The following GSE1 variants were observed in gnomAD, a reference collection of about 807,000 sequenced individuals.
GSE1 encodes the protein Gse1 coiled-coil protein, also known as genetic suppressor element 1.
GSE1 carries 32 observed loss-of-function variants against 112.6 expected under a neutral mutation model. The observed-to-expected ratio is 0.28, with a 90% CI of 0.21 to 0.38. The LOEUF is 0.38. GSE1 is among the 10% of genes least tolerant of loss of function. The pLI, the probability that GSE1 is intolerant of heterozygous loss-of-function variation, is 1.00. For synonymous variants in GSE1, 1,115 were observed against 735.6 expected (o/e 1.52, Z -8.35); for missense variants, 2,348 against 1,699.2 (o/e 1.38, Z -6.71).
chr16:85,494,125 C>G (rs1399995558), intron 2 of GSE1, among the ~76,000 whole-genome samples: 1 of 152,228 alleles, frequency 6.6e-6, no homozygotes, highest in Non-Finnish European at 1.5e-5. Context: ...AAGAACTTAC[C>G]CCGAACAGAG....
chr16:85,524,254 G>A (rs182254268), intron 2 of GSE1, among the ~76,000 whole-genome samples: 14 of 152,266 alleles, frequency 9.2e-5, no homozygotes, highest in Admixed American at 3.3e-4. Context: ...GCGGGGTGGC[G>A]GGGATGGTAA....
chr16:85,471,975 C>T (rs551848409), intron 2 of GSE1, among the ~76,000 whole-genome samples: 1 of 152,332 alleles, frequency 6.6e-6, no homozygotes, highest in South Asian at 2.1e-4. Flanking sequence ...ACCGTAAGAC[C>T]GTTGAGGTTT....
chr16:85,652,423 T>A (rs547018351), intron 3 of GSE1, among the ~76,000 whole-genome samples: 1 of 152,162 alleles, frequency 6.6e-6, no homozygotes, highest in East Asian at 1.9e-4. Flanking sequence ...CCTCCCACCC[T>A]CGAGACCAGC....
chr16:85,481,986 C>G (rs1432317484), intron 2 of GSE1, among the ~76,000 whole-genome samples: 1 of 152,266 alleles, frequency 6.6e-6, no homozygotes, highest in African/African-American at 2.4e-5. Flanking sequence ...GGCCGATGCC[C>G]TCGCCGGGAC....
At chr16:85,424,831 G>A (rs1423308348) in intron 2 of GSE1, among the ~76,000 whole-genome samples, 3 of 152,254 alleles carry the variant, frequency 2.0e-5, no homozygotes, top group Admixed American at 6.5e-5. Context: ...TGTTTCCAGC[G>A]CTGCCCGCGC....
In GSE1 at chr16:85,645,466, C is replaced by T. The variant is rs77206965; in HGVS notation, c.227-3086C>T. The stretch of plus-strand genomic sequence containing the variant: ...ACATTAAAGAGGCCCAGATACCGTT[C>T]TGCAGGAAGCAACGGACTTGCCCTC... On this transcript the variant is annotated intron_variant, in intron 2 of 15. Coordinates refer to ENST00000253458, the MANE Select transcript of GSE1 (RefSeq NM_014615.5). 4.3e-3 allele frequency among the ~76,000 whole-genome samples: 655 copies of T among 152,314 alleles called. 7 individuals are homozygous for T. The highest frequency in any genetic ancestry group is 0.015 in the African/African-American group (617 of 41,566).
chr16:85,419,623 A>G lies in GSE1; in HGVS notation c.2464+61980A>G, dbSNP rs1016996099. Among the ~76,000 whole-genome samples the G allele has an allele frequency of 6.6e-6, 1 of 151,856 alleles. No individual in the cohort carries two copies. The highest frequency in any genetic ancestry group is 2.4e-5 in the African/African-American group (1 of 41,318). ...TGTGTCTCAAAAAAAAAAAACAAAA[A>G]ACAAAAAACAAAAAATAACATTATG... On this transcript the variant is annotated intron_variant, in intron 2 of 2. Coordinates refer to the GSE1 transcript ENST00000637419. This position sits in a 1 kb window ranked among gnomAD's most constrained non-coding sequence, Gnocchi z 6.5.
At position 85,663,330 on chromosome 16, in the gene GSE1, C is replaced by T; in HGVS notation, c.2374-14C>T. 3.7e-6 allele frequency: 6 copies of T among 1,613,036 alleles called. No homozygotes were observed. Among genetic ancestry groups the T allele is most frequent in the Non-Finnish European group, 5.1e-6 (6 of 1,179,676 alleles). On this transcript the variant is annotated splice_polypyrimidine_tract_variant and intron_variant, in intron 10 of 15. Coordinates refer to ENST00000253458, the MANE Select transcript of GSE1 (RefSeq NM_014615.5). ...CAGTGGCTTCAAACTCATTTGTTTT[C>T]TTTCCCAATCTAGAAGCTAGAGTTT...
At chr16:85,483,799 A>T (rs1389541209) in intron 2 of GSE1, among the ~76,000 whole-genome samples, 1 of 152,210 alleles carries the variant, frequency 6.6e-6, no homozygotes, top group Non-Finnish European at 1.5e-5. Context: ...CTAGACTTTA[A>T]ATAAGGGTGT....
At chr16:85,340,206 C>T (rs771968809) in intron 1 of GSE1, among the ~76,000 whole-genome samples, 12 of 152,104 alleles carry the variant, frequency 7.9e-5, no homozygotes, top group Admixed American at 2.0e-4. Context: ...AAAAATTAGC[C>T]GGGTGTGGTG....
intron 1 of GSE1, among the ~76,000 whole-genome samples, chr16:85,295,387 G>A (rs537397453): frequency 2.6e-5 from 4 of 152,368 alleles, no homozygotes; most frequent in South Asian, 2.1e-4. Flanking sequence ...GCTGCAGCGC[G>A]GGTCAGCACA....
At chr16:85,331,104 C>T (rs902156494) in intron 1 of GSE1, among the ~76,000 whole-genome samples, 6 of 151,564 alleles carry the variant, frequency 4.0e-5, no homozygotes, top group African/African-American at 1.5e-4. Context: ...GGAAATGCTT[C>T]CTGTCTTTGT....
At chr16:85,435,105 T>C (rs113916292) in intron 2 of GSE1, among the ~76,000 whole-genome samples, 23,367 of 152,174 alleles carry the variant, frequency 0.15, 4,447 homozygotes, top group African/African-American at 0.46. Context: ...TGCACTGGGG[T>C]CCCTCCAGCC....
intron 1 of GSE1, among the ~76,000 whole-genome samples, chr16:85,251,136 C>T (rs1906429074): frequency 6.6e-6 from 1 of 152,230 alleles, no homozygotes; most frequent in South Asian, 2.1e-4. Context: ...TGTGGACGCG[C>T]GTCTCCATCC....
intron 1 of GSE1, among the ~76,000 whole-genome samples, chr16:85,314,589 C>T (rs998320108): frequency 9.2e-5 from 14 of 152,188 alleles, no homozygotes; most frequent in East Asian, 3.9e-4. Flanking sequence ...TGCACACACA[C>T]GAACACACCC....
At chr16:85,194,273 C>G (rs983120816) in intron 1 of GSE1, among the ~76,000 whole-genome samples, 1 of 152,154 alleles carries the variant, frequency 6.6e-6, no homozygotes, top group Non-Finnish European at 1.5e-5. Flanking sequence ...ACCCAAAAAT[C>G]CTAGTCCTGG....
At chr16:85,422,583 GA>G (rs34403123) in intron 2 of GSE1, among the ~76,000 whole-genome samples, 47,954 of 131,810 alleles carry the variant, frequency 0.36, 8,688 homozygotes, top group Admixed American at 0.44. Context: ...CTGGCCAAAA[GA>G]AAAAAAAAAA....
At chr16:85,487,476 C>T (rs1041309933) in intron 2 of GSE1, among the ~76,000 whole-genome samples, 8 of 152,204 alleles carry the variant, frequency 5.3e-5, no homozygotes, top group South Asian at 2.1e-4. Context: ...ACTGAGGCCT[C>T]GTTATGAGCC....
intron 2 of GSE1, among the ~76,000 whole-genome samples, chr16:85,508,306 T>C (rs536058593): frequency 7.8e-4 from 119 of 152,292 alleles, no homozygotes; most frequent in Non-Finnish European, 1.2e-3. Flanking sequence ...AGTGCTGGGA[T>C]TACAGGCAGG....
Sources: allele counts gnomAD v4.1 joint callset (sites outside exome capture counted in the v4.1 genomes callset), GRCh38; gene constraint gnomAD v4.1.1; non-coding constraint Gnocchi (gnomAD v3.1); transcripts MANE v1.5; gene names NCBI Gene and HGNC (gene_info 2026-07-23, HGNC 2026-07-21).